The following RYR1 variants were observed in gnomAD, a reference collection of about 807,000 sequenced individuals.
The protein encoded by RYR1 is ryanodine receptor 1.
A neutral mutation model predicts 583.5 loss-of-function variants in RYR1; 342 were observed. That is an observed-to-expected ratio of 0.59 (90% CI 0.54 to 0.64). The LOEUF (loss-of-function observed/expected upper bound fraction) is 0.64. Among genes scored for constraint, RYR1 ranks in the 30% least tolerant of loss-of-function variants. The pLI is 0.00. For synonymous variants in RYR1, 2,791 were observed against 2,822.5 expected, an observed-to-expected ratio of 0.99 and a Z score of 0.35; for missense variants, 6,032 against 6,917.2, an observed-to-expected ratio of 0.87 and a Z score of 4.54.
chr19:38,547,070 G>A (rs536691195), intron 88 of RYR1, among the ~76,000 whole-genome samples: 1 of 148,436 alleles, frequency 6.7e-6, no homozygotes, highest in Non-Finnish European at 1.5e-5. Flanking sequence ...ACGGAGTCTC[G>A]CTCTGCCGCT....
chr19:38,560,746 AAAAAGAGAAAG>A (rs1973091136), intron 89 of RYR1, among the ~76,000 whole-genome samples: 1 of 150,068 alleles, frequency 6.7e-6, no homozygotes, highest in Non-Finnish European at 1.5e-5. Context: ...AAAAAAAAAA[AAAAAGAGAAAG>A]AAAAAGAAAA....
intron 7 of RYR1, among the ~76,000 whole-genome samples, chr19:38,445,246 A>AG (rs1972885182): frequency 1.3e-5 from 2 of 148,900 alleles, no homozygotes; most frequent in Non-Finnish European, 3.0e-5. Context: ...AAAAAAAAAA[A>AG]AAATTAAACT....
At chr19:38,491,096 A>G (rs1168726074) in intron 37 of RYR1, among the ~76,000 whole-genome samples, 2 of 152,186 alleles carry the variant, frequency 1.3e-5, no homozygotes, top group African/African-American at 2.4e-5. Context: ...GATGACCTCC[A>G]TAGTTTCTGA....
intron 74 of RYR1, 69 bp from the exon 75 acceptor site, chr19:38,528,530 C>T (rs1971583209): frequency 6.3e-7 from 1 of 1,596,266 alleles, no homozygotes; most frequent in African/African-American, 1.3e-5. Context: ...TTGGGGGCTG[C>T]AGGCGCATGG....
chr19:38,502,607 C>G lies in RYR1; in HGVS notation c.7715C>G (p.Thr2572Arg), dbSNP rs770314263. 2 of 1,612,896 alleles carry G rather than the reference C, an allele frequency of 1.2e-6. No homozygotes were observed. The highest frequency in any genetic ancestry group is 2.2e-5 in the South Asian group (2 of 91,024). ...ITKCAPLFAG[T>R]EHRAIMVDSM... ...AAGTGTGCGCCGCTCTTTGCGGGCA[C>G]AGAACACCGCGCCATCATGGTGGAC... is the stretch of plus-strand genomic sequence containing the variant. Residue 2572 changes from threonine (T) to arginine (R), a missense_variant, in exon 48 of 106, where the codon ACA becomes AGA. Thr to Arg is a moderately conservative substitution (Grantham distance 71, BLOSUM62 -1). This residue lies in a region of RYR1 where 250 missense variants were observed against 162.3 expected (regional missense o/e 1.54). Coordinates refer to ENST00000359596, the MANE Select transcript of RYR1 (RefSeq NM_000540.3).
chr19:38,460,063 G>A (rs184497019), intron 19 of RYR1, among the ~76,000 whole-genome samples: 4 of 152,172 alleles, frequency 2.6e-5, no homozygotes, highest in East Asian at 1.9e-4. Context: ...CAATGACCCC[G>A]AATGCTCTGT....
chr19:38,478,094 T>G (rs1465402538), intron 30 of RYR1, among the ~76,000 whole-genome samples: 1 of 150,748 alleles, frequency 6.6e-6, no homozygotes, highest in Non-Finnish European at 1.5e-5. Context: ...CTCCTCTTTA[T>G]GCATTTCTCC....
chr19:38,541,216 T>A (rs1316917011), intron 84 of RYR1, among the ~76,000 whole-genome samples: 1 of 151,952 alleles, frequency 6.6e-6, no homozygotes, highest in Non-Finnish European at 1.5e-5. Context: ...AGCACTGGGG[T>A]TTTTAAAAGC....
At chr19:38,463,371 T>C in intron 20 of RYR1, 52 bp from the exon 21 acceptor site, 1 of 1,497,926 alleles carries the variant, frequency 6.7e-7, no homozygotes, top group Non-Finnish European at 9.3e-7. Flanking sequence ...GGGGTCATGA[T>C]GGAGGAGGGT....
rs1302567016 is a variant in RYR1, at chr19:38,467,698, C to A, written c.3267C>A (p.Phe1089Leu). The stretch of plus-strand genomic sequence containing the variant: ...CAGTGCAGAGCGGCCGCTGGTACTT[C>A]GAGTTTGAAGCAGTCACCACAGGCG... Reference protein sequence around the residue: ...SYTVQSGRWYFEFEAVTTGEM... With the variant: ...SYTVQSGRWYLEFEAVTTGEM... The change falls in exon 25 of 106, where the codon TTC (phenylalanine) becomes TTA (leucine). Residue 1089 changes from phenylalanine (F) to leucine (L), a missense_variant. Physicochemically the swap from Phe to Leu is conservative, Grantham distance 22. Coordinates refer to ENST00000359596, the MANE Select transcript of RYR1 (RefSeq NM_000540.3). 2 of 1,614,096 alleles carry A rather than the reference C, an allele frequency of 1.2e-6. No individual in the cohort carries two copies. Among genetic ancestry groups the A allele is most frequent in the Admixed American group, 1.7e-5 (1 of 59,998 alleles).
intron 99 of RYR1, among the ~76,000 whole-genome samples, chr19:38,579,350 G>A (rs931975796): frequency 1.3e-5 from 2 of 150,698 alleles, no homozygotes; most frequent in Admixed American, 1.3e-4. Flanking sequence ...GCTTGAACCC[G>A]GGAGGCGGAG....
chr19:38,523,824 G>T (rs776880217), intron 69 of RYR1, 91 bp from the exon 70 acceptor site: 1 of 1,548,772 alleles, frequency 6.5e-7, no homozygotes, highest in Non-Finnish European at 8.9e-7. Context: ...GGGCAGAGGA[G>T]GTGGGGTGCT....
chr19:38,502,748 G>GCGGGGCAGGCTTCA, intron 48 of RYR1, 21 bp downstream of exon 48: 1 of 1,510,448 alleles, frequency 6.6e-7, no homozygotes, highest in Non-Finnish European at 8.9e-7. Context: ...GCAGGCTTCA[G>GCGGGGCAGGCTTCA]GGTGGGGCAG....
chr19:38,547,298 G>A (rs1264671328), intron 88 of RYR1, among the ~76,000 whole-genome samples: 2 of 149,610 alleles, frequency 1.3e-5, no homozygotes, highest in African/African-American at 4.9e-5. Context: ...TGATCCTCCC[G>A]CCTCAGCCTC....
intron 56 of RYR1, 139 bp downstream of exon 56, chr19:38,506,685 A>C (rs1970467321): frequency 3.4e-6 from 5 of 1,480,690 alleles, no homozygotes; most frequent in Non-Finnish European, 4.6e-6. Context: ...TGGGGTAATG[A>C]GATGAGCACC....
intron 76 of RYR1, among the ~76,000 whole-genome samples, 195 bp downstream of exon 76, chr19:38,529,252 C>T (rs950406954): frequency 6.6e-6 from 1 of 152,202 alleles, no homozygotes; most frequent in African/African-American, 2.4e-5. Context: ...GAGGCTGAGG[C>T]AGGCAATCAC....
chr19:38,444,331 G>A lies in RYR1; in HGVS notation c.537+70G>A. The A allele has an allele frequency of 7.9e-7, 1 of 1,265,584 alleles. No individual in the cohort carries two copies. The highest frequency in any genetic ancestry group is 1.1e-6 in the Non-Finnish European group (1 of 878,720). 78.4% of individuals were successfully genotyped at this position (1,265,584 alleles called of 1,614,324 possible). A position where few individuals can be genotyped will look rare whatever the true frequency, so the allele number is the denominator to read the frequency against. On this transcript the variant is annotated intron_variant, in intron 6 of 105. Transcript: ENST00000359596. This position sits in a 1 kb window ranked among gnomAD's most constrained non-coding sequence, Gnocchi z 5.1. ...GGGATGGTCCCCATCTTCTCACCATGGGTTTGCCTGGCTGATCTCCCACCC... is the reference window on the plus strand; with the variant it reads ...GGGATGGTCCCCATCTTCTCACCATAGGTTTGCCTGGCTGATCTCCCACCC...
chr19:38,495,115 G>A (rs1043428807), intron 39 of RYR1, among the ~76,000 whole-genome samples: 2 of 151,976 alleles, frequency 1.3e-5, no homozygotes, highest in African/African-American at 2.4e-5. Context: ...GCCTCCCAAA[G>A]TGCTGGGATT....
At chr19:38,461,738 AAAGAAAGGG>A (rs1413641290) in intron 20 of RYR1, among the ~76,000 whole-genome samples, 5 of 139,890 alleles carry the variant, frequency 3.6e-5, no homozygotes, top group Admixed American at 7.2e-5. Context: ...AAAAAAAAAA[AAAGAAAGGG>A]AGAGAGAGAG....
Sources: gnomAD v4.1 joint callset for allele counts (sites outside exome capture counted in the v4.1 genomes callset) on GRCh38, gnomAD v4.1.1 for gene constraint, gnomAD v4.1.1 regional missense constraint, Gnocchi (gnomAD v3.1) non-coding constraint, MANE v1.5 for transcripts, NCBI Gene and HGNC (gene_info 2026-07-23, HGNC 2026-07-21) for gene names.